PRKN: variants seen among roughly 807,000 people sequenced by gnomAD.
The protein encoded by PRKN is E3 ubiquitin-protein ligase parkin.
In PRKN, 56 loss-of-function variants were observed where a neutral mutation model predicts 59.5. That is an observed-to-expected ratio of 0.94 (90% CI 0.76 to 1.18). The LOEUF is 1.18. Ranked by LOEUF, PRKN falls within the 50% of genes most tolerant of loss-of-function variation. The pLI, the probability that PRKN is intolerant of heterozygous loss-of-function variation, is 0.00. For missense variants in PRKN, 657 were observed against 596.4 expected (o/e 1.10, Z -1.06); for synonymous variants, 250 against 222.1 (o/e 1.13, Z -1.12).
intron 7 of PRKN, among the ~76,000 whole-genome samples, chr6:161,625,040 T>C (rs1175708334): frequency 6.6e-6 from 1 of 152,228 alleles, no homozygotes; most frequent in Non-Finnish European, 1.5e-5. Flanking sequence ...TTTAGAAATG[T>C]CTTTTTCCAG....
At position 161,372,341 on chromosome 6, in the gene PRKN, A is replaced by G. The variant is rs1189775242; in HGVS notation, c.1168-12136T>C. 6.6e-6 allele frequency among the ~76,000 whole-genome samples: 1 copy of G among 152,238 alleles called. No individual in the cohort carries two copies. The highest frequency in any genetic ancestry group is 2.4e-5 in the African/African-American group (1 of 41,458). On this transcript the variant is annotated intron_variant, in intron 10 of 11. Transcript: ENST00000366898. The surrounding 1 kb of genome is among the most constrained non-coding windows in gnomAD (Gnocchi z 4.2). ...ATTATCCACATAGATGGGATTCTGA[A>G]TGCGGAATCATCACTAATAGGATGT...
chr6:162,235,958 G>GAAAGAAAGAAAGAAAGAAAAGA (rs1562602229), intron 3 of PRKN, among the ~76,000 whole-genome samples: 1 of 92,678 alleles, frequency 1.1e-5, no homozygotes, highest in African/African-American at 4.0e-5. Context: ...AGGAAGAAAG[G>GAAAGAAAGAAAGAAAGAAAAGA]AAGAAAGAAA....
chr6:162,376,787 GGAGGA>G (rs1161166808), intron 2 of PRKN, among the ~76,000 whole-genome samples: 8 of 88,586 alleles, frequency 9.0e-5, no homozygotes, highest in Non-Finnish European at 1.6e-4. Flanking sequence ...GAGGGGGAGG[GGAGGA>G]GGAGAGAGAG....
intron 6 of PRKN, among the ~76,000 whole-genome samples, chr6:161,945,011 T>C (rs760837927): frequency 2.0e-5 from 3 of 152,194 alleles, no homozygotes; most frequent in Non-Finnish European, 4.4e-5. Context: ...ATGAGGAAGA[T>C]TAAATTTGTC....
At position 161,576,940 on chromosome 6, in the gene PRKN, A is replaced by T. The variant is rs565270250; in HGVS notation, c.872-7524T>A. Among the ~76,000 whole-genome samples, 1 of 152,244 alleles carries T rather than the reference A, an allele frequency of 6.6e-6. No individual in the cohort carries two copies. Among genetic ancestry groups the T allele is most frequent in the Non-Finnish European group, 1.5e-5 (1 of 68,044 alleles). On this transcript the variant is annotated intron_variant, in intron 7 of 11. Coordinates refer to ENST00000366898, the MANE Select transcript of PRKN (RefSeq NM_004562.3). This position sits in a 1 kb window ranked among gnomAD's most constrained non-coding sequence, Gnocchi z 4.6. ...ATGCAATGTCATTTACAGAAAGTTT[A>T]GAGAATCTATTAAACAATGTCGATG...
chr6:162,642,724 T>C, intron 1 of PRKN, among the ~76,000 whole-genome samples: 1 of 151,850 alleles, frequency 6.6e-6, no homozygotes, highest in Admixed American at 6.6e-5. Flanking sequence ...CATAGAAAAG[T>C]TATATAACTT....
intron 9 of PRKN, among the ~76,000 whole-genome samples, chr6:161,426,644 T>C (rs999823557): frequency 3.5e-4 from 11 of 31,048 alleles, no homozygotes; most frequent in South Asian, 1.7e-3. Flanking sequence ...AACTCCCCTT[T>C]ACACACACAC....
chr6:162,161,298 C>T (rs1170794603), intron 4 of PRKN, among the ~76,000 whole-genome samples: 1 of 152,100 alleles, frequency 6.6e-6, no homozygotes, highest in African/African-American at 2.4e-5. Context: ...ATGTGGTGTC[C>T]AGCCCAGTAC....
chr6:161,368,995 C>T (rs1474300260), intron 10 of PRKN, among the ~76,000 whole-genome samples: 1 of 152,134 alleles, frequency 6.6e-6, no homozygotes, highest in African/African-American at 2.4e-5. Context: ...GAGTCCCAGA[C>T]CCAGTGACTG....
chr6:161,684,060 T>A (rs532748994), intron 7 of PRKN, among the ~76,000 whole-genome samples: 1 of 152,322 alleles, frequency 6.6e-6, no homozygotes, highest in Admixed American at 6.5e-5. Flanking sequence ...ATTCTAAGTA[T>A]TTTAAAAAGA....
intron 6 of PRKN, among the ~76,000 whole-genome samples, chr6:161,856,925 T>C (rs1583254571): frequency 1.3e-5 from 2 of 152,320 alleles, no homozygotes; most frequent in East Asian, 3.9e-4. Flanking sequence ...AAGCATTTGC[T>C]TAGATAAAAA....
chr6:162,145,833 C>T (rs113438839), intron 4 of PRKN, among the ~76,000 whole-genome samples: 8 of 152,172 alleles, frequency 5.3e-5, no homozygotes, highest in South Asian at 2.1e-4. Context: ...ATCTGATGGG[C>T]GGCGAAAAGC....
At chr6:162,641,074 T>C (rs962592412) in intron 1 of PRKN, among the ~76,000 whole-genome samples, 2 of 152,074 alleles carry the variant, frequency 1.3e-5, no homozygotes, top group Non-Finnish European at 2.9e-5. Flanking sequence ...ATTTCCAGGG[T>C]CTTCTCAAAA....
At chr6:161,900,596 TTATATATTAATATACTGTAG>T (rs1443686802) in intron 6 of PRKN, among the ~76,000 whole-genome samples, 9 of 125,656 alleles carry the variant, frequency 7.2e-5, no homozygotes, top group African/African-American at 2.7e-4. Context: ...TATTAATATA[TTATATATTAATATACTGTAG>T]TATATACTAT....
chr6:161,720,672 A>C (rs1239025749), intron 7 of PRKN, among the ~76,000 whole-genome samples: 2 of 152,228 alleles, frequency 1.3e-5, no homozygotes, highest in Non-Finnish European at 2.9e-5. Flanking sequence ...AGGATGATTA[A>C]GAAAAATATC....
intron 4 of PRKN, among the ~76,000 whole-genome samples, chr6:162,059,129 C>T (rs565144316): frequency 2.5e-3 from 386 of 152,100 alleles, no homozygotes; most frequent in African/African-American, 8.9e-3. Flanking sequence ...TTTTACTGCC[C>T]TAATAGCAAC....
At chr6:161,605,368 C>T (rs1450058671) in intron 7 of PRKN, among the ~76,000 whole-genome samples, 1 of 152,144 alleles carries the variant, frequency 6.6e-6, no homozygotes, top group Non-Finnish European at 1.5e-5. Context: ...GACACATATA[C>T]ATTTACACAC....
chr6:162,292,386 T>C (rs7341370), intron 2 of PRKN, among the ~76,000 whole-genome samples: 83,574 of 151,822 alleles, frequency 0.55, 26,284 homozygotes, highest in East Asian at 0.85. Flanking sequence ...TATTTTCTTT[T>C]GTCATTACCC....
intron 7 of PRKN, among the ~76,000 whole-genome samples, chr6:161,718,037 G>A (rs1164566080): frequency 6.6e-6 from 1 of 152,158 alleles, no homozygotes; most frequent in South Asian, 2.1e-4. Flanking sequence ...TAGCTACTAC[G>A]TATCACTAAA....
Sources: gnomAD v4.1 joint callset for allele counts (sites outside exome capture counted in the v4.1 genomes callset) on GRCh38, gnomAD v4.1.1 for gene constraint, Gnocchi (gnomAD v3.1) non-coding constraint, MANE v1.5 for transcripts, NCBI Gene and HGNC (gene_info 2026-07-23, HGNC 2026-07-21) for gene names.